The following TGM3 variants were observed in gnomAD, a reference collection of about 807,000 sequenced individuals.
TGM3 encodes the protein protein-glutamine gamma-glutamyltransferase E.
Under a neutral mutation model 73.8 loss-of-function variants are expected in TGM3, and 52 were observed. The observed-to-expected ratio is 0.70, with a 90% CI of 0.56 to 0.89. TGM3 has a LOEUF of 0.89. Among genes scored for constraint, TGM3 ranks in the 40% least tolerant of loss-of-function variants. The pLI is 0.00. For synonymous variants in TGM3, 372 were observed against 354.9 expected (o/e 1.05, Z -0.54); for missense variants, 928 against 909.9 (o/e 1.02, Z -0.26).
intron 2 of TGM3, 22 bp from the exon 3 acceptor site, chr20:2,310,156 C>T (rs886504315): frequency 6.2e-7 from 1 of 1,613,250 alleles, no homozygotes; most frequent in South Asian, 1.1e-5. Flanking sequence ...TTGGTTTTCT[C>T]AACCTCTGTC....
At chr20:2,333,682 C>T (rs919553375) in intron 10 of TGM3, among the ~76,000 whole-genome samples, 1 of 152,066 alleles carries the variant, frequency 6.6e-6, no homozygotes, top group African/African-American at 2.4e-5. Flanking sequence ...AGGCATAAGC[C>T]ACCATGCCTG....
At chr20:2,312,751 G>T (rs1404265278) in intron 4 of TGM3, 147 bp from the exon 5 acceptor site, 12 of 1,123,634 alleles carry the variant, frequency 1.1e-5, no homozygotes, top group Non-Finnish European at 1.5e-5. Flanking sequence ...GCTGGGCATG[G>T]TGGCTGTCCT....
At chr20:2,330,991 G>A (rs1231115119) in intron 9 of TGM3, among the ~76,000 whole-genome samples, 2 of 117,020 alleles carry the variant, frequency 1.7e-5, no homozygotes, top group Non-Finnish European at 3.3e-5. Context: ...GGGTGACAGA[G>A]TGAGACCCTG....
chr20:2,304,703 A>T (rs1219461269), intron 1 of TGM3, among the ~76,000 whole-genome samples: 4 of 152,164 alleles, frequency 2.6e-5, no homozygotes, highest in Non-Finnish European at 5.9e-5. Context: ...GTTTGTTCTC[A>T]TACCAAGCGA....
rs866219360 is a variant in TGM3 at position 2,340,784 on chromosome 20, A to G, written c.*203A>G. ...TGGGTCCACCCTGTCCTATGACTTGATCACTTTTGCACATTCCCTGGCCGC... is the reference window on the plus strand; with the variant it reads ...TGGGTCCACCCTGTCCTATGACTTGGTCACTTTTGCACATTCCCTGGCCGC... On this transcript the variant is annotated 3_prime_UTR_variant, in exon 13 of 13. Transcript: ENST00000381458. The G allele has an allele frequency of 2.7e-6, 2 of 727,766 alleles. No homozygotes were observed. The highest frequency in any genetic ancestry group is 4.7e-4 in the Middle Eastern group (2 of 4,276). The allele number at this position is 727,766 out of a possible 1,614,324, so 45.1% of individuals were successfully genotyped here.
chr20:2,298,034 C>T (rs896388551), intron 1 of TGM3, among the ~76,000 whole-genome samples: 2 of 41,590 alleles, frequency 4.8e-5, no homozygotes, highest in Non-Finnish European at 7.5e-5. Flanking sequence ...GAAAAATGGT[C>T]ACAGACAATG....
At position 2,310,311 on chromosome 20, in the gene TGM3, C is replaced by T. The variant is rs376947483; in HGVS notation, c.315C>T (p.Ser105=). The part of the protein sequence containing the change: ...TLTISISSPA[S]APIGRYTMAL... Reference sequence around the variant, plus strand: ...CTATCAGCATCTCCAGTCCTGCCAGCGCACCCATAGGACGGTACACAATGG... The same window carrying T: ...CTATCAGCATCTCCAGTCCTGCCAGTGCACCCATAGGACGGTACACAATGG... The change falls in exon 3 of 13, where the codon AGC becomes AGT. Residue 105 remains serine (S), a synonymous_variant. Coordinates refer to ENST00000381458, the MANE Select transcript of TGM3 (RefSeq NM_003245.4). 64 of 1,614,122 alleles carry T rather than the reference C, an allele frequency of 4.0e-5. No individual in the cohort carries two copies. The highest frequency in any genetic ancestry group is 4.7e-5 in the Non-Finnish European group (56 of 1,180,042).
At chr20:2,333,989 A>G (rs2084334238) in intron 10 of TGM3, among the ~76,000 whole-genome samples, 1 of 152,202 alleles carries the variant, frequency 6.6e-6, no homozygotes, top group Non-Finnish European at 1.5e-5. Flanking sequence ...CTTCCTCCTC[A>G]CAGTCTTACC....
intron 1 of TGM3, among the ~76,000 whole-genome samples, chr20:2,301,307 C>T (rs1049545685): frequency 6.6e-6 from 1 of 150,808 alleles, no homozygotes; most frequent in African/African-American, 2.4e-5. Flanking sequence ...GGATGACTCA[C>T]AGCCTGTCGG....
In TGM3 at chr20:2,332,430, C is replaced by A; in HGVS notation, c.1642+120C>A. ...GCTACGAATGGAGCAGCCAGCGGCC[C>A]CTGTGGTTAAGCCATGTATTAATGC... On this transcript the variant is annotated intron_variant, in intron 10 of 12. Coordinates refer to ENST00000381458, the MANE Select transcript of TGM3 (RefSeq NM_003245.4). The surrounding 1 kb of genome is among the most constrained non-coding windows in gnomAD (Gnocchi z 4.4). 1 of 989,390 alleles carries A rather than the reference C, an allele frequency of 1.0e-6. No homozygotes were observed. Among genetic ancestry groups the A allele is most frequent in the Non-Finnish European group, 1.4e-6 (1 of 691,086 alleles). 61.3% of individuals were successfully genotyped at this position (989,390 alleles called of 1,614,324 possible).
intron 11 of TGM3, 106 bp downstream of exon 11, chr20:2,335,379 A>G: frequency 7.0e-7 from 1 of 1,431,724 alleles, no homozygotes; most frequent in Non-Finnish European, 9.5e-7. Context: ...AGGGCAAAGG[A>G]GAGTTTTTTC....
chr20:2,315,038 G>A (rs1457035640), intron 5 of TGM3, among the ~76,000 whole-genome samples: 2 of 152,186 alleles, frequency 1.3e-5, no homozygotes, highest in Non-Finnish European at 2.9e-5. Context: ...CCGAGGGAGA[G>A]TATGGAGAGG....
At chr20:2,315,917 G>A (rs1212268933) in intron 5 of TGM3, among the ~76,000 whole-genome samples, 1 of 152,192 alleles carries the variant, frequency 6.6e-6, no homozygotes, top group Non-Finnish European at 1.5e-5. Flanking sequence ...TAAAAGTAGA[G>A]AGAAAAGCAT....
chr20:2,314,530 TACACACACACACACAC>T (rs11473649), intron 5 of TGM3, among the ~76,000 whole-genome samples: 17 of 136,798 alleles, frequency 1.2e-4, no homozygotes, highest in South Asian at 7.3e-4. Flanking sequence ...CATCTACACA[TACACACACACACACAC>T]ACACACACAC....
At position 2,309,817 on chromosome 20, in the gene TGM3, C is replaced by G. The variant is rs2084193464; in HGVS notation, c.168C>G (p.Phe56Leu). 1 of 1,614,210 alleles carries G rather than the reference C, an allele frequency of 6.2e-7. No homozygotes were observed. Among genetic ancestry groups the G allele is most frequent in the Non-Finnish European group, 8.5e-7 (1 of 1,180,020 alleles). ...TTGGCTCTAACGAAAGACTGGAGTT[C>G]ATTGTCTCCACAGGTACCTGCTCAT... ...KGLGSNERLE[F>L]IVSTGPYPSE... Residue 56 changes from phenylalanine to leucine, a missense_variant, in exon 2 of 13, where the codon TTC (phenylalanine) becomes TTG (leucine). Phe to Leu is a conservative substitution (Grantham distance 22, BLOSUM62 0). Coordinates refer to ENST00000381458, the MANE Select transcript of TGM3 (RefSeq NM_003245.4).
intron 4 of TGM3, among the ~76,000 whole-genome samples, chr20:2,311,686 G>A (rs1205919287): frequency 6.6e-6 from 1 of 152,132 alleles, no homozygotes; most frequent in Non-Finnish European, 1.5e-5. Flanking sequence ...AGCACCTCGG[G>A]CGGGGTGCCT....
In TGM3 at chr20:2,318,115, G is replaced by A. The variant is rs538219424; in HGVS notation, c.983+630G>A. On this transcript the variant is annotated intron_variant, in intron 7 of 12. Coordinates refer to ENST00000381458, the MANE Select transcript of TGM3 (RefSeq NM_003245.4). ...GCTCACTGCAACCTCAGGCTCCCAG[G>A]TTCAAGTGATTCTCCTGCCTCAGCC... is the stretch of plus-strand genomic sequence containing the variant. 2.9e-3 allele frequency among the ~76,000 whole-genome samples: 445 copies of A among 152,114 alleles called. 2 individuals are homozygous for A. Among genetic ancestry groups the A allele is most frequent in the Admixed American group, 4.7e-3 (72 of 15,274 alleles).
Position 2,296,716 on chromosome 20 carries a change from G to C in TGM3, c.7+646G>C, listed in dbSNP as rs367754065. 5.9e-5 allele frequency among the ~76,000 whole-genome samples: 9 copies of C among 152,246 alleles called. No homozygotes were observed. The East Asian group carries it at 1.7e-3, about 29-fold the overall frequency. The stretch of plus-strand genomic sequence containing the variant: ...GTCCACAGGAGAGCACCAGGGAACA[G>C]GGGTTACAAAGAACAACAGGAAGTG... On this transcript the variant is annotated intron_variant, in intron 1 of 12. Transcript: ENST00000381458.
intron 5 of TGM3, among the ~76,000 whole-genome samples, chr20:2,313,377 T>A (rs1045359295): frequency 2.0e-5 from 3 of 152,208 alleles, no homozygotes; most frequent in Admixed American, 6.5e-5. Context: ...TGCTCCATCA[T>A]TGGGCCTCCT....
Sources: allele counts gnomAD v4.1 joint callset (sites outside exome capture counted in the v4.1 genomes callset), GRCh38; gene constraint gnomAD v4.1.1; non-coding constraint Gnocchi (gnomAD v3.1); transcripts MANE v1.5; gene names NCBI Gene and HGNC (gene_info 2026-07-23, HGNC 2026-07-21).